Variants in AGMO observed in about 807,000 individuals in gnomAD.
The protein encoded by AGMO is glyceryl-ether monooxygenase.
Under a neutral mutation model 60.2 loss-of-function variants are expected in AGMO, and 75 were observed. The ratio of observed to expected loss-of-function variants is 1.25; its 90% CI spans 1.03 to 1.51. The LOEUF is 1.51. Among genes scored for constraint, AGMO ranks in the 40% most tolerant of loss-of-function variants. AGMO has a pLI of 0.00. For synonymous variants in AGMO, 261 were observed against 177.1 expected, an observed-to-expected ratio of 1.47 and a Z score of -3.76; for missense variants, 763 against 525.5, an observed-to-expected ratio of 1.45 and a Z score of -4.42.
chr7:15,407,941 G>A (rs932514421), intron 5 of AGMO, among the ~76,000 whole-genome samples: 5 of 151,798 alleles, frequency 3.3e-5, no homozygotes, highest in South Asian at 4.1e-4. Flanking sequence ...CAGAGCTCGT[G>A]CTCCTAACTC....
chr7:15,461,077 A>G (rs1782129856), intron 3 of AGMO, among the ~76,000 whole-genome samples: 1 of 152,068 alleles, frequency 6.6e-6, no homozygotes, highest in African/African-American at 2.4e-5. Flanking sequence ...CTATTGTTCA[A>G]AATGTATGGC....
At chr7:15,515,896 TG>T (rs1783795788) in intron 3 of AGMO, among the ~76,000 whole-genome samples, 1 of 152,122 alleles carries the variant, frequency 6.6e-6, no homozygotes, top group Non-Finnish European at 1.5e-5. Context: ...TAGGAGTAGT[TG>T]GGAAGATGCT....
Position 15,289,364 on chromosome 7 carries a change from AGTTT to A in AGMO, c.1263+76146_1263+76149del, listed in dbSNP as rs1032991349. On this transcript the variant is annotated intron_variant, in intron 12 of 12. Transcript: ENST00000342526. Reference sequence around the variant, plus strand: ...GTATAGCTGTCTCTATAAGATTCCGAGTTTGTTTTCTAAAAAAAAGTAGGTACAT... The same window carrying A: ...GTATAGCTGTCTCTATAAGATTCCGAGTTTTCTAAAAAAAAGTAGGTACAT... Among the ~76,000 whole-genome samples the A allele has an allele frequency of 2.4e-4, 36 of 152,132 alleles. No homozygotes were observed. The East Asian group carries it at 3.3e-3, about 14-fold the overall frequency.
At chr7:15,504,553 C>A (rs905386548) in intron 3 of AGMO, among the ~76,000 whole-genome samples, 2 of 152,024 alleles carry the variant, frequency 1.3e-5, no homozygotes, top group Non-Finnish European at 2.9e-5. Flanking sequence ...TGTCGCTCAA[C>A]TGATCATAGT....
Position 15,217,422 on chromosome 7 carries a change from G to A in AGMO, c.1264-16063C>T, listed in dbSNP as rs187113679. Among the ~76,000 whole-genome samples the A allele has an allele frequency of 7.2e-4, 110 of 152,134 alleles. 1 individual carries two copies. The East Asian group carries it at 0.02, about 27-fold the overall frequency. On this transcript the variant is annotated intron_variant, in intron 12 of 12. Transcript: ENST00000342526. ...CAAGAAAAACAAAGACATCTTGAGAGAGACTTTAATATGTGCAAGAAATGG... is the reference window on the plus strand; with the variant it reads ...CAAGAAAAACAAAGACATCTTGAGAAAGACTTTAATATGTGCAAGAAATGG...
intron 12 of AGMO, among the ~76,000 whole-genome samples, chr7:15,248,179 C>CAT (rs71549925): frequency 0.012 from 383 of 32,574 alleles, 19 homozygotes; most frequent in Non-Finnish European, 0.024. Flanking sequence ...GATCCAGCAC[C>CAT]ATATATATAT....
chr7:15,504,257 T>C (rs1009942005), intron 3 of AGMO, among the ~76,000 whole-genome samples: 3 of 152,048 alleles, frequency 2.0e-5, no homozygotes, highest in African/African-American at 7.2e-5. Context: ...CCTTCTTTAG[T>C]TGAATGCATC....
the AGMO span, among the ~76,000 whole-genome samples, chr7:15,179,399 G>A: frequency 6.6e-6 from 1 of 152,100 alleles, no homozygotes; most frequent in African/African-American, 2.4e-5. Flanking sequence ...TCATAGAATA[G>A]ACATTCCCAT....
At chr7:15,442,005 C>T (rs957009231) in intron 3 of AGMO, among the ~76,000 whole-genome samples, 1 of 151,948 alleles carries the variant, frequency 6.6e-6, no homozygotes, top group African/African-American at 2.4e-5. Context: ...CTGAAACCAA[C>T]TTTAGAACGT....
intron 5 of AGMO, among the ~76,000 whole-genome samples, chr7:15,416,363 A>C (rs1780770138): frequency 6.6e-6 from 1 of 152,120 alleles, no homozygotes; most frequent in South Asian, 2.1e-4. Context: ...AAAATAACTC[A>C]AAAGTAAACA....
intron 12 of AGMO, among the ~76,000 whole-genome samples, chr7:15,363,451 T>C (rs1782843081): frequency 6.6e-6 from 1 of 152,178 alleles, no homozygotes; most frequent in Non-Finnish European, 1.5e-5. Context: ...TAGATGGATG[T>C]TATACTTCCT....
chr7:15,402,302 CTCTT>C (rs1179401383), intron 5 of AGMO, among the ~76,000 whole-genome samples: 4 of 151,450 alleles, frequency 2.6e-5, no homozygotes, highest in Admixed American at 6.6e-5. Context: ...TTATTTTTTT[CTCTT>C]TCTTTTTCTC....
rs899241351 is a variant in AGMO, at chr7:15,217,434, T to A, written c.1264-16075A>T. Among the ~76,000 whole-genome samples the A allele has an allele frequency of 3.3e-5, 5 of 151,946 alleles. No individual in the cohort carries two copies. In the South Asian group the frequency reaches 1.0e-3, roughly 32 times the overall value. ...AGACATCTTGAGAGAGACTTTAATA[T>A]GTGCAAGAAATGGAGAATTTACACC... On this transcript the variant is annotated intron_variant, in intron 12 of 12. Coordinates refer to ENST00000342526, the MANE Select transcript of AGMO (RefSeq NM_001004320.2).
chr7:15,477,237 C>A (rs562830993), intron 3 of AGMO, among the ~76,000 whole-genome samples: 27 of 151,958 alleles, frequency 1.8e-4, no homozygotes, highest in African/African-American at 6.3e-4. Flanking sequence ...TATTGAAGAA[C>A]AAAAACAATG....
At chr7:15,198,240 A>AGAGAGAGAGAGAGAGG (rs1781180125), downstream of AGMO, among the ~76,000 whole-genome samples, 50 of 102,330 alleles carry the variant, frequency 4.9e-4, 2 homozygotes, top group Non-Finnish European at 6.6e-4. Context: ...AGAGAGAGAG[A>AGAGAGAGAGAGAGAGG]GAGAGAGAGA....
rs746783590 is a variant in AGMO at position 15,561,726 on chromosome 7, T to C, written c.120A>G (p.Val40=). ...TCTTCCAATAAAGTCTCACCTTTTT[T>C]ACATAATCAGGCACCTCTTCTAATG... ...FQTLEEVPDY[V]KKATPFFISL... The change falls in exon 1 of 13, where the codon GTA becomes GTG. Residue 40 remains valine (V), a synonymous_variant. Coordinates refer to ENST00000342526, the MANE Select transcript of AGMO (RefSeq NM_001004320.2). 13 of 1,604,898 alleles carry C rather than the reference T, an allele frequency of 8.1e-6. No homozygotes were observed. Among genetic ancestry groups the C allele is most frequent in the South Asian group, 1.1e-5 (1 of 89,786 alleles).
chr7:15,196,177 G>A (rs1781111524), downstream of AGMO, among the ~76,000 whole-genome samples: 1 of 151,890 alleles, frequency 6.6e-6, no homozygotes, highest in East Asian at 2.0e-4. Context: ...AGAGTAGCTG[G>A]TATTACAGGC....
At chr7:15,557,537 A>G (rs1365223345) in intron 2 of AGMO, among the ~76,000 whole-genome samples, 1 of 151,602 alleles carries the variant, frequency 6.6e-6, no homozygotes, top group African/African-American at 2.4e-5. Flanking sequence ...CTGAAAGGGG[A>G]TTGAGAGGAA....
chr7:15,424,514 C>T (rs1475192449), intron 4 of AGMO, among the ~76,000 whole-genome samples: 1 of 152,164 alleles, frequency 6.6e-6, no homozygotes, highest in Admixed American at 6.6e-5. Context: ...TAAAGAAAAA[C>T]ACTGAAAATC....
Sources: allele counts gnomAD v4.1 joint callset (sites outside exome capture counted in the v4.1 genomes callset), GRCh38; gene constraint gnomAD v4.1.1; transcripts MANE v1.5; gene names NCBI Gene and HGNC (gene_info 2026-07-23, HGNC 2026-07-21).